NUTF2: variants seen among roughly 807,000 people sequenced by gnomAD.
The protein encoded by NUTF2 is nuclear transport factor 2.
A neutral mutation model predicts 18.5 loss-of-function variants in NUTF2; 3 were observed. That is an observed-to-expected ratio of 0.16 (90% confidence interval 0.07 to 0.42). The LOEUF (loss-of-function observed/expected upper bound fraction) is 0.42. Among genes scored for constraint, NUTF2 ranks in the 10% least tolerant of loss-of-function variants. NUTF2 has a pLI of 0.99. For missense variants in NUTF2, 44 were observed against 160.7 expected (o/e 0.27, Z 3.93); for synonymous variants, 51 against 57.9 (o/e 0.88, Z 0.54).
chr16:67,849,534 G>C (rs1451988918), intron 1 of NUTF2, among the ~76,000 whole-genome samples: 1 of 151,762 alleles, frequency 6.6e-6, no homozygotes, highest in Non-Finnish European at 1.5e-5. Context: ...TAGAGAAGGG[G>C]TTTCACCATA....
intron 4 of NUTF2, chr16:67,870,323 C>T (rs528176467): frequency 1.7e-4 from 27 of 155,000 alleles, no homozygotes; most frequent in Non-Finnish European, 3.6e-4. Flanking sequence ...AGTTTGGCTG[C>T]AGGTTTCTTG....
intron 1 of NUTF2, among the ~76,000 whole-genome samples, chr16:67,860,780 C>CTG (rs2057930052): frequency 6.6e-6 from 1 of 152,238 alleles, no homozygotes. Context: ...GAGAATCTTT[C>CTG]TGTGTGCCAG....
At chr16:67,860,700 C>A (rs1283026083) in intron 1 of NUTF2, among the ~76,000 whole-genome samples, 2 of 152,198 alleles carry the variant, frequency 1.3e-5, no homozygotes, top group African/African-American at 4.8e-5. Flanking sequence ...ACGACTGGTA[C>A]CAATTTTGGG....
chr16:67,859,802 T>C, intron 1 of NUTF2, among the ~76,000 whole-genome samples: 1 of 129,660 alleles, frequency 7.7e-6, no homozygotes, highest in Non-Finnish European at 1.6e-5. Context: ...GGCCTTTTTT[T>C]TTTTTTTTTT....
chr16:67,870,790 C>A lies in NUTF2; in HGVS notation c.271-10C>A. 6.2e-7 allele frequency: 1 copy of A among 1,601,962 alleles called. No individual in the cohort carries two copies. The highest frequency in any genetic ancestry group is 1.1e-5 in the South Asian group (1 of 90,784). On this transcript the variant is annotated splice_polypyrimidine_tract_variant and intron_variant, in intron 4 of 4. Transcript: ENST00000219169. Reference sequence around the variant, plus strand: ...ATCCCCTTACTGAATCCTCTTTTCTCTCCTCATAGGCGGATGAAGACCCCA... The same window carrying A: ...ATCCCCTTACTGAATCCTCTTTTCTATCCTCATAGGCGGATGAAGACCCCA...
rs929809730 is a variant in NUTF2, at chr16:67,856,816, C to T, written c.-29-8286C>T. Among the ~76,000 whole-genome samples, 84 of 152,290 alleles carry T rather than the reference C, an allele frequency of 5.5e-4. 1 individual carries two copies. Among genetic ancestry groups the T allele is most frequent in the African/African-American group, 1.9e-3 (78 of 41,560 alleles). ...TGAGCCACTGTGCCCGGCCCCATCT[C>T]GGCCAGTTTTGTGGACATTCTAATG... On this transcript the variant is annotated intron_variant, in intron 1 of 4. Transcript: ENST00000219169.
At chr16:67,862,169 T>G (rs1016192777) in intron 1 of NUTF2, among the ~76,000 whole-genome samples, 1 of 152,032 alleles carries the variant, frequency 6.6e-6, no homozygotes, top group Non-Finnish European at 1.5e-5. Flanking sequence ...CTTTGTGGTT[T>G]AGAGCTCAGG....
intron 2 of NUTF2, among the ~76,000 whole-genome samples, chr16:67,867,571 G>A (rs980880569): frequency 1.3e-5 from 2 of 152,114 alleles, no homozygotes; most frequent in Admixed American, 6.5e-5. Context: ...GGAAGGCCCT[G>A]TCAGCCTCTA....
chr16:67,863,529 T>G, intron 1 of NUTF2, among the ~76,000 whole-genome samples: 1 of 152,192 alleles, frequency 6.6e-6, no homozygotes, highest in Non-Finnish European at 1.5e-5. Flanking sequence ...AGCTAGCACT[T>G]ACCATGTTGA....
chr16:67,864,882 G>T (rs1488335895), intron 1 of NUTF2, among the ~76,000 whole-genome samples: 1 of 152,126 alleles, frequency 6.6e-6, no homozygotes, highest in Non-Finnish European at 1.5e-5. Flanking sequence ...CATCAACCAA[G>T]AACTCAAAGG....
At chr16:67,850,778 T>G (rs2057849122) in intron 1 of NUTF2, among the ~76,000 whole-genome samples, 2 of 151,982 alleles carry the variant, frequency 1.3e-5, no homozygotes, top group Non-Finnish European at 2.9e-5. Flanking sequence ...ATTATGTCCC[T>G]TCGTGTATAG....
intron 1 of NUTF2, 43 bp from the exon 2 acceptor site, chr16:67,865,059 T>C: frequency 2.9e-6 from 3 of 1,021,710 alleles, no homozygotes; most frequent in Non-Finnish European, 4.6e-6. Flanking sequence ...TCACCTACTC[T>C]CATGGTACCA....
In NUTF2 at chr16:67,870,952, C is replaced by T. The variant is rs2058007151; in HGVS notation, c.*39C>T. The T allele has an allele frequency of 7.2e-7, 1 of 1,398,302 alleles. No individual in the cohort carries two copies. 86.6% of individuals were successfully genotyped at this position (1,398,302 alleles called of 1,614,324 possible). ...AGGCACTCACGCTGTTTCCTCCTCCCTCCTCTTCCCAATACTATTCCCACT... is the reference window on the plus strand; with the variant it reads ...AGGCACTCACGCTGTTTCCTCCTCCTTCCTCTTCCCAATACTATTCCCACT... On this transcript the variant is annotated 3_prime_UTR_variant, in exon 5 of 5. Transcript: ENST00000219169.
Position 67,859,349 on chromosome 16 carries a change from A to ATT in NUTF2, c.-29-5737_-29-5736dup, listed in dbSNP as rs35560481. On this transcript the variant is annotated intron_variant, in intron 1 of 4. Transcript: ENST00000219169. ...TGCATGCCACCACACCCAGCTGATG[A>ATT]TTTTTTTTTTTTTTTTTGAGGTGGA... 8.0e-3 allele frequency among the ~76,000 whole-genome samples: 1,052 copies of ATT among 131,694 alleles called. 9 individuals carry two copies. Among genetic ancestry groups the ATT allele is most frequent in the Middle Eastern group, 0.019 (5 of 258 alleles). 86.4% of individuals were successfully genotyped at this position (131,694 alleles called of 152,430 possible).
chr16:67,866,754 A>C (rs1482030057), intron 2 of NUTF2, among the ~76,000 whole-genome samples: 1 of 152,046 alleles, frequency 6.6e-6, no homozygotes, highest in African/African-American at 2.4e-5. Flanking sequence ...GGCATAAGCC[A>C]CCGCGCCCGG....
intron 2 of NUTF2, among the ~76,000 whole-genome samples, chr16:67,867,221 C>G (rs1373206888): frequency 6.6e-6 from 1 of 152,164 alleles, no homozygotes; most frequent in East Asian, 1.9e-4. Context: ...ATCTACCCAC[C>G]TTGGCCTCCC....
At chr16:67,851,700 C>T (rs935865245) in intron 1 of NUTF2, among the ~76,000 whole-genome samples, 22 of 151,748 alleles carry the variant, frequency 1.4e-4, no homozygotes, top group African/African-American at 5.1e-4. Context: ...ATGTTTCCAC[C>T]CTGGAGACAC....
intron 1 of NUTF2, among the ~76,000 whole-genome samples, chr16:67,849,331 T>A (rs541567224): frequency 2.0e-5 from 3 of 152,344 alleles, no homozygotes; most frequent in African/African-American, 4.8e-5. Flanking sequence ...CCTGGGTGAC[T>A]TGACCAGGAG....
intron 2 of NUTF2, among the ~76,000 whole-genome samples, chr16:67,866,267 A>G (rs914420826): frequency 1.3e-5 from 2 of 151,524 alleles, no homozygotes; most frequent in Non-Finnish European, 1.5e-5. Context: ...TGGAAGACCA[A>G]TTCCAGCACA....
Sources: gnomAD v4.1 joint callset for allele counts (sites outside exome capture counted in the v4.1 genomes callset) on GRCh38, gnomAD v4.1.1 for gene constraint, MANE v1.5 for transcripts, NCBI Gene and HGNC (gene_info 2026-07-23, HGNC 2026-07-21) for gene names.